URGCP: variants seen among roughly 807,000 people sequenced by gnomAD.
URGCP encodes up-regulator of cell proliferation.
Under a neutral mutation model 24.6 loss-of-function variants are expected in URGCP, and 13 were observed. That is an observed-to-expected ratio of 0.53 (90% CI 0.34 to 0.84). The LOEUF (loss-of-function observed/expected upper bound fraction) is 0.84, where lower values mean the gene tolerates loss of function less well. URGCP is among the 40% of genes least tolerant of loss of function. The pLI, the probability that URGCP is intolerant of heterozygous loss-of-function variation, is 0.01. For missense variants in URGCP, 899 were observed against 1,194.3 expected (o/e 0.75, Z 3.64); for synonymous variants, 444 against 487.2 (o/e 0.91, Z 1.17).
upstream of URGCP, among the ~76,000 whole-genome samples, chr7:43,909,997 C>T (rs1279655040): frequency 2.0e-5 from 3 of 152,128 alleles, no homozygotes; most frequent in African/African-American, 7.2e-5. Context: ...GAGCCAAGAT[C>T]GTGCCATTGC....
chr7:43,918,718 C>T (rs894450638), intron 1 of URGCP: 3 of 719,292 alleles, frequency 4.2e-6, no homozygotes, highest in Non-Finnish European at 7.5e-6. Flanking sequence ...AATCATCACC[C>T]ACAATTGGGC....
At chr7:43,902,926 G>C (rs1350185667) in intron 1 of URGCP, among the ~76,000 whole-genome samples, 1 of 152,186 alleles carries the variant, frequency 6.6e-6, no homozygotes, top group African/African-American at 2.4e-5. Context: ...CATTATCTTA[G>C]AGAAAACCGG....
intron 3 of URGCP, among the ~76,000 whole-genome samples, chr7:43,885,394 C>A (rs2095860636): frequency 6.6e-6 from 1 of 152,170 alleles, no homozygotes; most frequent in African/African-American, 2.4e-5. Context: ...AGCCACTGCA[C>A]CTGGCCTGTA....
In URGCP at chr7:43,881,976, C is replaced by A. The variant is rs376102562; in HGVS notation, c.113-19G>T. The A allele has an allele frequency of 1.5e-4, 238 of 1,613,760 alleles. No individual in the cohort carries two copies. The highest frequency in any genetic ancestry group is 1.9e-4 in the Non-Finnish European group (222 of 1,179,980). ...TCCAAATCTAGAAGAAAAAAGAAACCAAATACATTTAGTTTCATCAGCAAG... is the reference window on the plus strand; with the variant it reads ...TCCAAATCTAGAAGAAAAAAGAAACAAAATACATTTAGTTTCATCAGCAAG... On this transcript the variant is annotated intron_variant, in intron 3 of 5. Transcript: ENST00000453200.
At chr7:43,887,634 G>A (rs1256685940) in intron 2 of URGCP, 149 bp from the exon 3 acceptor site, 44 of 1,473,678 alleles carry the variant, frequency 3.0e-5, no homozygotes, top group Non-Finnish European at 4.0e-5. Context: ...GAATCTCTGG[G>A]AGCTGGTCCT....
intron 1 of URGCP, among the ~76,000 whole-genome samples, chr7:43,901,534 G>A (rs911939710): frequency 7.2e-5 from 11 of 152,238 alleles, no homozygotes; most frequent in Non-Finnish European, 1.3e-4. Context: ...TGCTGGCAAA[G>A]CTAGGTCCCT....
chr7:43,913,929 C>T (rs1009323579), intron 1 of URGCP, among the ~76,000 whole-genome samples: 2 of 152,112 alleles, frequency 1.3e-5, no homozygotes, highest in Non-Finnish European at 2.9e-5. Context: ...GAACTCCTAC[C>T]CTCAAGTGAT....
chr7:43,913,008 G>A (rs1160923077), intron 1 of URGCP, among the ~76,000 whole-genome samples: 2 of 150,610 alleles, frequency 1.3e-5, no homozygotes, highest in East Asian at 3.9e-4. Context: ...GCGCCACCAT[G>A]CCCAGCTAAT....
intron 1 of URGCP, among the ~76,000 whole-genome samples, chr7:43,896,427 C>A (rs1217806394): frequency 6.7e-6 from 1 of 149,356 alleles, no homozygotes; most frequent in African/African-American, 2.5e-5. Context: ...GACAATCCAG[C>A]CTGGGCGACA....
intron 1 of URGCP, chr7:43,918,752 C>T (rs2095918589): frequency 1.8e-5 from 15 of 819,098 alleles, no homozygotes; most frequent in Admixed American, 7.6e-5. Flanking sequence ...AGATTGGGTT[C>T]GAGTTCTGGA....
intron 1 of URGCP, among the ~76,000 whole-genome samples, chr7:43,893,158 T>C (rs2095873500): frequency 6.6e-6 from 1 of 151,898 alleles, no homozygotes; most frequent in African/African-American, 2.4e-5. Flanking sequence ...CAAGATGTCA[T>C]CTCTCCAAAA....
intron 1 of URGCP, among the ~76,000 whole-genome samples, chr7:43,904,629 A>C (rs568050715): frequency 6.6e-6 from 1 of 152,352 alleles, no homozygotes; most frequent in African/African-American, 2.4e-5. Flanking sequence ...TATGTCTGCC[A>C]GTGTACATAA....
chr7:43,896,503 G>C (rs1047619545), intron 1 of URGCP, among the ~76,000 whole-genome samples: 2 of 151,906 alleles, frequency 1.3e-5, no homozygotes, highest in African/African-American at 4.8e-5. Flanking sequence ...TAGGAGAATG[G>C]GATCTGGTGC....
intron 3 of URGCP, among the ~76,000 whole-genome samples, chr7:43,883,134 T>C (rs1448420960): frequency 1.3e-5 from 2 of 151,834 alleles, no homozygotes; most frequent in African/African-American, 4.8e-5. Flanking sequence ...GTGTTTAATG[T>C]AGTGCTAGTC....
rs374239475 is a variant in URGCP at position 43,923,281 on chromosome 7, C to CTT, written c.-116+2849_-116+2850dup. On this transcript the variant is annotated intron_variant, in intron 1 of 5. Coordinates refer to the URGCP transcript ENST00000426198. Reference sequence around the variant, plus strand: ...ACAGGTGTGAGCCACTGTGCCCAGCCTTTTTTTTTTTTTTTTTCCCAAAGA... The same window carrying CTT: ...ACAGGTGTGAGCCACTGTGCCCAGCCTTTTTTTTTTTTTTTTTTTCCCAAAGA... 3.9e-3 allele frequency among the ~76,000 whole-genome samples: 522 copies of CTT among 134,776 alleles called. 3 individuals are homozygous for CTT. The highest frequency in any genetic ancestry group is 8.3e-3 in the African/African-American group (300 of 36,112). The allele number at this position is 134,776 out of a possible 152,430, so 88.4% of individuals were successfully genotyped here. A position where few individuals can be genotyped will look rare whatever the true frequency, so the allele number is the denominator to read the frequency against.
chr7:43,892,724 G>C (rs1273064112), intron 1 of URGCP, among the ~76,000 whole-genome samples: 1 of 152,104 alleles, frequency 6.6e-6, no homozygotes, highest in Non-Finnish European at 1.5e-5. Context: ...ACTCCTTCTA[G>C]GGGGACACAA....
chr7:43,913,226 T>G (rs2095912015), intron 1 of URGCP, among the ~76,000 whole-genome samples: 1 of 152,148 alleles, frequency 6.6e-6, no homozygotes, highest in Non-Finnish European at 1.5e-5. Flanking sequence ...GTTTGTTTTT[T>G]GAGACGGAGT....
At chr7:43,916,714 C>T (rs1180588130) in intron 1 of URGCP, among the ~76,000 whole-genome samples, 4 of 92,824 alleles carry the variant, frequency 4.3e-5, no homozygotes, top group South Asian at 4.0e-4. Context: ...CCTACCCACC[C>T]CCCCCCCCCA....
Position 43,915,465 on chromosome 7 carries a change from C to A in URGCP, c.-116+10667G>T, listed in dbSNP as rs912216987. The stretch of plus-strand genomic sequence containing the variant: ...TTCTATGGCATTTTCCTTCTGTTTG[C>A]AGGACTGTAATGGCACTTATCTTTT... On this transcript the variant is annotated intron_variant, in intron 1 of 5. Coordinates refer to the URGCP transcript ENST00000426198. Among the ~76,000 whole-genome samples, 6 of 152,320 alleles carry A rather than the reference C, an allele frequency of 3.9e-5. No homozygotes were observed. The East Asian group carries it at 1.2e-3, about 29-fold the overall frequency.
Sources: allele counts gnomAD v4.1 joint callset (sites outside exome capture counted in the v4.1 genomes callset), GRCh38; gene constraint gnomAD v4.1.1; transcripts MANE v1.5; gene names NCBI Gene and HGNC (gene_info 2026-07-23, HGNC 2026-07-21).